Variants in PLCG2 observed in about 807,000 individuals in gnomAD.
PLCG2 encodes 1-phosphatidylinositol 4,5-bisphosphate phosphodiesterase gamma-2.
PLCG2 carries 69 observed loss-of-function variants against 175.6 expected under a neutral mutation model. That is an observed-to-expected ratio of 0.39 (90% confidence interval 0.32 to 0.48). PLCG2 has a LOEUF of 0.48. PLCG2 is among the 20% of genes least tolerant of loss of function. PLCG2 has a pLI of 0.91. For missense variants in PLCG2, 1,798 were observed against 1,650.9 expected (o/e 1.09, Z -1.54); for synonymous variants, 827 against 624.0 (o/e 1.33, Z -4.85).
In PLCG2 at chr16:81,928,568, A is replaced by G; in HGVS notation, c.2525A>G (p.Asp842Gly). Reference sequence around the variant, plus strand: ...CTTGTTTCTTCACAGATTATTGAAGACAATCCCTTAGGGTCTCTTTGCAGA... The same window carrying G: ...CTTGTTTCTTCACAGATTATTGAAGGCAATCCCTTAGGGTCTCTTTGCAGA... ...FEELEKQIIE[D>G]NPLGSLCRGI... The change falls in exon 24 of 33, where the codon GAC becomes GGC. Residue 842 changes from aspartate to glycine, a missense_variant. Coordinates refer to ENST00000564138, the MANE Select transcript of PLCG2 (RefSeq NM_002661.5). 1 of 1,603,144 alleles carries G rather than the reference A, an allele frequency of 6.2e-7. No homozygotes were observed. Among genetic ancestry groups the G allele is most frequent in the Non-Finnish European group, 8.5e-7 (1 of 1,169,914 alleles).
chr16:81,750,760 C>T (rs943021781), intron 1 of PLCG2, among the ~76,000 whole-genome samples: 13 of 140,242 alleles, frequency 9.3e-5, no homozygotes, highest in African/African-American at 1.3e-4. Context: ...CTCCGCCTCC[C>T]GGGTTCATGC....
chr16:81,776,937 C>G (rs974533981), upstream of PLCG2, among the ~76,000 whole-genome samples: 1 of 152,162 alleles, frequency 6.6e-6, no homozygotes. Context: ...TCCACTGATT[C>G]CTTCAGTCGT....
At position 81,961,529 on chromosome 16, in the gene PLCG2, A is replaced by T. The variant is rs374780126; in HGVS notation, c.*3531A>T. ...ATACTTTTGGTACAGAGATAGAATT[A>T]AATAACATAAAAATCAAAAATTTAT... On this transcript the variant is annotated 3_prime_UTR_variant, in exon 33 of 33. Coordinates refer to ENST00000564138, the MANE Select transcript of PLCG2 (RefSeq NM_002661.5). The T allele has an allele frequency of 2.3e-5, 5 of 219,682 alleles. No homozygotes were observed. Among genetic ancestry groups the T allele is most frequent in the African/African-American group, 1.1e-4 (5 of 44,640 alleles). 13.6% of individuals were successfully genotyped at this position (219,682 alleles called of 1,614,324 possible).
intron 2 of PLCG2, among the ~76,000 whole-genome samples, chr16:81,799,334 C>T (rs1209251249): frequency 9.2e-5 from 14 of 152,104 alleles, no homozygotes; most frequent in Admixed American, 9.2e-4. Context: ...CAACATGCGA[C>T]CCTTTTGTAA....
At chr16:81,876,680 T>G (rs895190556) in intron 7 of PLCG2, among the ~76,000 whole-genome samples, 2 of 152,196 alleles carry the variant, frequency 1.3e-5, no homozygotes, top group Admixed American at 1.3e-4. Flanking sequence ...TGGTTAACAA[T>G]ACAGCTGTTT....
chr16:81,959,278 C>T lies in PLCG2; in HGVS notation c.*1280C>T. ...TGGATGGAACTGGCCCCTAGAAACC[C>T]ATCTGACCCTCCTCTTGTTACCCGA... On this transcript the variant is annotated 3_prime_UTR_variant, in exon 33 of 33. Coordinates refer to ENST00000564138, the MANE Select transcript of PLCG2 (RefSeq NM_002661.5). 4.5e-6 allele frequency: 1 copy of T among 223,620 alleles called. No individual in the cohort carries two copies. The highest frequency in any genetic ancestry group is 8.9e-6 in the Non-Finnish European group (1 of 112,064). The allele number at this position is 223,620 out of a possible 1,614,324, so 13.9% of individuals were successfully genotyped here. A position where few individuals can be genotyped will look rare whatever the true frequency, so the allele number is the denominator to read the frequency against.
intron 9 of PLCG2, among the ~76,000 whole-genome samples, chr16:81,884,210 G>GC (rs1360572141): frequency 2.0e-5 from 3 of 152,162 alleles, no homozygotes; most frequent in African/African-American, 7.2e-5. Flanking sequence ...AATTAGGCAG[G>GC]CATTGTGGTG....
intron 1 of PLCG2, among the ~76,000 whole-genome samples, chr16:81,781,751 C>G (rs750744100): frequency 6.6e-6 from 1 of 152,194 alleles, no homozygotes; most frequent in Admixed American, 6.6e-5. Flanking sequence ...ACACAATTGT[C>G]TTGTGGGATT....
At chr16:81,926,751 C>T (rs1469535641) in intron 22 of PLCG2, among the ~76,000 whole-genome samples, 2 of 152,210 alleles carry the variant, frequency 1.3e-5, no homozygotes, top group African/African-American at 4.8e-5. Flanking sequence ...TCTAAATTCA[C>T]AACCTCCCCG....
intron 7 of PLCG2, among the ~76,000 whole-genome samples, chr16:81,875,498 A>G (rs576143580): frequency 9.3e-4 from 141 of 152,326 alleles, no homozygotes; most frequent in African/African-American, 3.3e-3. Context: ...AAGAAAATGT[A>G]AAGCATATAG....
At chr16:81,817,364 C>T (rs1904597714) in intron 2 of PLCG2, among the ~76,000 whole-genome samples, 1 of 152,216 alleles carries the variant, frequency 6.6e-6, no homozygotes, top group African/African-American at 2.4e-5. Context: ...ACCTATCTTC[C>T]ACTAAAAACA....
chr16:81,900,789 C>T lies in PLCG2; in HGVS notation c.1362+9C>T, dbSNP rs1346898922. The T allele has an allele frequency of 1.9e-6, 3 of 1,591,886 alleles. No individual in the cohort carries two copies. Among genetic ancestry groups the T allele is most frequent in the Non-Finnish European group, 1.7e-6 (2 of 1,161,984 alleles). On this transcript the variant is annotated intron_variant, in intron 14 of 32. Transcript: ENST00000564138. ...AGAAGATCATCATCAAGGTAGGCAC[C>T]CCGGGTGCTGCTGTTGGCTGTCCAG...
chr16:81,871,963 A>G (rs958206865), intron 7 of PLCG2, among the ~76,000 whole-genome samples: 9 of 152,196 alleles, frequency 5.9e-5, no homozygotes, highest in African/African-American at 1.7e-4. Context: ...CTGAGATGAT[A>G]TTTGTGACAT....
At chr16:81,761,824 T>C (rs1048386713) in intron 2 of PLCG2, among the ~76,000 whole-genome samples, 1 of 150,040 alleles carries the variant, frequency 6.7e-6, no homozygotes, top group African/African-American at 2.5e-5. Flanking sequence ...GATTTCACCC[T>C]GCACATTTTT....
At chr16:81,774,625 G>T (rs1021542263), upstream of PLCG2, among the ~76,000 whole-genome samples, 1 of 152,166 alleles carries the variant, frequency 6.6e-6, no homozygotes, top group African/African-American at 2.4e-5. Flanking sequence ...GGGGGTAGAG[G>T]GGTAGGGTTG....
At chr16:81,747,363 C>A (rs1342678297) in intron 1 of PLCG2, among the ~76,000 whole-genome samples, 2 of 152,074 alleles carry the variant, frequency 1.3e-5, no homozygotes, top group Non-Finnish European at 2.9e-5. Context: ...GTTGAAACCC[C>A]ATCTTTACTA....
chr16:81,934,392 T>G (rs1910624233), intron 25 of PLCG2, 37 bp from the exon 26 acceptor site: 1 of 1,320,658 alleles, frequency 7.6e-7, no homozygotes, highest in Admixed American at 1.7e-5. Context: ...ATGGGATTTC[T>G]CGGGGGCGGG....
intron 1 of PLCG2, among the ~76,000 whole-genome samples, chr16:81,782,946 G>A (rs1408620535): frequency 6.6e-6 from 1 of 152,188 alleles, no homozygotes; most frequent in African/African-American, 2.4e-5. Flanking sequence ...GGCAACCTGT[G>A]AGCAGCTATT....
At chr16:81,821,463 G>A (rs1002871382) in intron 2 of PLCG2, among the ~76,000 whole-genome samples, 17 of 152,172 alleles carry the variant, frequency 1.1e-4, no homozygotes, top group Non-Finnish European at 2.2e-4. Flanking sequence ...TGCCTTCCTC[G>A]AGGGCTCGAA....
Sources: allele counts gnomAD v4.1 joint callset (sites outside exome capture counted in the v4.1 genomes callset), GRCh38; gene constraint gnomAD v4.1.1; transcripts MANE v1.5; gene names NCBI Gene and HGNC (gene_info 2026-07-23, HGNC 2026-07-21).